The following LRP1B variants were observed in gnomAD, a reference collection of about 807,000 sequenced individuals.
LRP1B encodes low-density lipoprotein receptor-related protein 1B.
A neutral mutation model predicts 556.6 loss-of-function variants in LRP1B; 217 were observed. That is an observed-to-expected ratio of 0.39 (90% CI 0.35 to 0.44). LRP1B has a LOEUF of 0.44. Among genes scored for constraint, LRP1B ranks in the 20% least tolerant of loss-of-function variants. The pLI, the probability that LRP1B is intolerant of heterozygous loss-of-function variation, is 1.00. For synonymous variants in LRP1B, 2,047 were observed against 1,865.8 expected (o/e 1.10, Z -2.50); for missense variants, 5,053 against 5,620.8 (o/e 0.90, Z 3.23).
chr2:141,380,482 T>C (rs996319722), intron 3 of LRP1B, among the ~76,000 whole-genome samples: 1 of 152,186 alleles, frequency 6.6e-6, no homozygotes, highest in South Asian at 2.1e-4. Flanking sequence ...TCCTAAGATG[T>C]TGGATTATAC....
intron 1 of LRP1B, among the ~76,000 whole-genome samples, chr2:141,982,685 C>A (rs1702076205): frequency 6.6e-6 from 1 of 152,114 alleles, no homozygotes; most frequent in Non-Finnish European, 1.5e-5. Flanking sequence ...CTAAAATTTG[C>A]ATTAAATTGT....
chr2:140,982,203 C>T lies in LRP1B; in HGVS notation c.2844G>A (p.Arg948=), dbSNP rs368792262. 11 of 1,613,274 alleles carry T rather than the reference C, an allele frequency of 6.8e-6. No homozygotes were observed. The highest frequency in any genetic ancestry group is 9.3e-6 in the Non-Finnish European group (11 of 1,179,570). ...CTGTCTGGTCACCACAGTCGTCTTC[C>T]CTGTCACACAGCCATGCTCTGGGAA... The part of the protein sequence containing the change: ...RCIPRAWLCD[R]EDDCGDQTDE... Residue 948 remains arginine, a synonymous_variant, in exon 18 of 91, where the codon AGG becomes AGA. Coordinates refer to ENST00000389484, the MANE Select transcript of LRP1B (RefSeq NM_018557.3).
chr2:140,511,819 ATT>A (rs1689674504), intron 51 of LRP1B, among the ~76,000 whole-genome samples: 1 of 152,168 alleles, frequency 6.6e-6, no homozygotes, highest in Admixed American at 6.5e-5. Context: ...TTTAAAAATT[ATT>A]TTGTTTGCTA....
At chr2:140,950,204 T>G in intron 20 of LRP1B, 31 bp downstream of exon 20, 36 of 1,461,740 alleles carry the variant, frequency 2.5e-5, no homozygotes, top group African/African-American at 4.3e-5. Context: ...ACTTTTAAAA[T>G]GAGATTTCAT....
At chr2:141,983,892 C>T (rs993939705) in intron 1 of LRP1B, among the ~76,000 whole-genome samples, 1 of 152,096 alleles carries the variant, frequency 6.6e-6, no homozygotes, top group Admixed American at 6.6e-5. Context: ...GAAACCCTGT[C>T]TCTACTAAAA....
intron 3 of LRP1B, among the ~76,000 whole-genome samples, chr2:141,259,280 C>A (rs868497187): frequency 6.6e-6 from 1 of 151,512 alleles, no homozygotes; most frequent in Middle Eastern, 3.2e-3. Flanking sequence ...TTTGTCTCTG[C>A]AACAAGAGTG....
intron 3 of LRP1B, among the ~76,000 whole-genome samples, chr2:141,403,838 C>CAA (rs1392618016): frequency 1.3e-5 from 2 of 152,104 alleles, no homozygotes; most frequent in Non-Finnish European, 2.9e-5. Flanking sequence ...TATGTATAGA[C>CAA]AGACTTCAAG....
Position 140,442,844 on chromosome 2 carries a change from A to G in LRP1B, c.10295-221T>C, listed in dbSNP as rs997572596. The stretch of plus-strand genomic sequence containing the variant: ...AGAAAACATATTTTTGCAGTGATAC[A>G]CTGATAAATATCAGAGTTTTCAAAA... On this transcript the variant is annotated intron_variant, in intron 65 of 90. Transcript: ENST00000389484. Among the ~76,000 whole-genome samples, 58 of 152,202 alleles carry G rather than the reference A, an allele frequency of 3.8e-4. 1 individual carries two copies. Among genetic ancestry groups the G allele is most frequent in the Admixed American group, 3.8e-3 (58 of 15,264 alleles).
At chr2:140,722,410 C>T (rs2105477144) in intron 35 of LRP1B, among the ~76,000 whole-genome samples, 1 of 152,248 alleles carries the variant, frequency 6.6e-6, no homozygotes, top group East Asian at 1.9e-4. Flanking sequence ...TATTTTAATG[C>T]ATTAATTATC....
intron 2 of LRP1B, among the ~76,000 whole-genome samples, chr2:141,584,219 T>C (rs1687051284): frequency 6.6e-6 from 1 of 151,290 alleles, no homozygotes; most frequent in African/African-American, 2.4e-5. Flanking sequence ...CCCTCCAGTC[T>C]GGGTGACAGA....
intron 41 of LRP1B, among the ~76,000 whole-genome samples, chr2:140,603,415 GA>G (rs1270365245): frequency 1.3e-5 from 2 of 152,060 alleles, no homozygotes; most frequent in Non-Finnish European, 2.9e-5. Flanking sequence ...AATCATTTCA[GA>G]AATGCAATGA....
chr2:140,807,194 T>C (rs1054645713), intron 32 of LRP1B, among the ~76,000 whole-genome samples: 8 of 152,304 alleles, frequency 5.3e-5, no homozygotes, highest in Admixed American at 5.2e-4. Flanking sequence ...TAAAAATCCC[T>C]GTAACTGAAT....
intron 2 of LRP1B, among the ~76,000 whole-genome samples, chr2:141,530,330 A>G (rs562494140): frequency 6.6e-6 from 1 of 152,140 alleles, no homozygotes; most frequent in Non-Finnish European, 1.5e-5. Context: ...CAAAAGGTCA[A>G]TATCACCAAA....
At chr2:140,571,145 TG>T (rs1387781151) in intron 43 of LRP1B, among the ~76,000 whole-genome samples, 1 of 151,728 alleles carries the variant, frequency 6.6e-6, no homozygotes, top group Admixed American at 6.6e-5. Context: ...AACATAATAC[TG>T]GATGTCTCAG....
At chr2:140,292,606 A>C (rs1295422193) in intron 84 of LRP1B, among the ~76,000 whole-genome samples, 7 of 152,118 alleles carry the variant, frequency 4.6e-5, no homozygotes, top group Non-Finnish European at 8.8e-5. Context: ...CTAAAGGCTA[A>C]ACTCTGTGGT....
chr2:140,389,443 G>A (rs959454480), intron 66 of LRP1B, among the ~76,000 whole-genome samples: 5 of 151,452 alleles, frequency 3.3e-5, no homozygotes, highest in Non-Finnish European at 5.9e-5. Context: ...GTAAATTTAA[G>A]AAGGTAATAA....
In LRP1B at chr2:140,700,566, T is replaced by C. The variant is rs149617273; in HGVS notation, c.6483A>G (p.Arg2161=). The change falls in exon 41 of 91, where the codon CGA becomes CGG. Residue 2161 remains arginine, a synonymous_variant. Coordinates refer to ENST00000389484, the MANE Select transcript of LRP1B (RefSeq NM_018557.3). ...AAGCACAAGTTCTCCGGGAATTTCC[T>C]CGATAAAGACAGAGTTGCTTACAGC... The part of the protein sequence containing the change: ...NGGCKQLCLY[R]GNSRRTCACA... 84 of 1,613,412 alleles carry C rather than the reference T, an allele frequency of 5.2e-5. No homozygotes were observed. The highest frequency in any genetic ancestry group is 7.0e-5 in the Non-Finnish European group (82 of 1,179,676).
At chr2:141,823,552 G>A (rs1013293232) in intron 1 of LRP1B, among the ~76,000 whole-genome samples, 2 of 152,172 alleles carry the variant, frequency 1.3e-5, no homozygotes, top group African/African-American at 4.8e-5. Flanking sequence ...AGATTGTCAA[G>A]CTGATTAGGT....
At chr2:141,273,043 T>C (rs1429869172) in intron 3 of LRP1B, among the ~76,000 whole-genome samples, 1 of 152,146 alleles carries the variant, frequency 6.6e-6, no homozygotes, top group Non-Finnish European at 1.5e-5. Flanking sequence ...GCGGGGTGGC[T>C]CACGCCTGTA....
Sources: gnomAD v4.1 joint callset for allele counts (sites outside exome capture counted in the v4.1 genomes callset) on GRCh38, gnomAD v4.1.1 for gene constraint, MANE v1.5 for transcripts, NCBI Gene and HGNC (gene_info 2026-07-23, HGNC 2026-07-21) for gene names.